CRISP2: variants seen among roughly 807,000 people sequenced by gnomAD.
CRISP2 encodes cysteine rich secretory protein 2.
In CRISP2, 29 loss-of-function variants were observed where a neutral mutation model predicts 31.7. The ratio of observed to expected loss-of-function variants is 0.92; its 90% confidence interval spans 0.68 to 1.25. The LOEUF (loss-of-function observed/expected upper bound fraction) is 1.25, where lower values mean the gene tolerates loss of function less well. Among genes scored for constraint, CRISP2 ranks in the 50% most tolerant of loss-of-function variants. The probability of loss-of-function intolerance (pLI) is 0.00; values close to 1 mark genes in which losing one functional copy is unlikely to be tolerated. For missense variants in CRISP2, 318 were observed against 286.5 expected (o/e 1.11, Z -0.79); for synonymous variants, 111 against 101.4 (o/e 1.09, Z -0.57).
At chr6:49,704,893 G>A (rs1266502367) in intron 4 of CRISP2, among the ~76,000 whole-genome samples, 1 of 152,210 alleles carries the variant, frequency 6.6e-6, no homozygotes, top group Non-Finnish European at 1.5e-5. Context: ...GTTACAGGCA[G>A]TGGAATTAAC....
chr6:49,694,723 T>A (rs1467074930), intron 9 of CRISP2, among the ~76,000 whole-genome samples: 3 of 146,692 alleles, frequency 2.0e-5, no homozygotes, highest in Non-Finnish European at 4.5e-5. Flanking sequence ...AATGTATAAG[T>A]ATTCAACTAT....
chr6:49,690,135 G>A (rs1178039942), downstream of CRISP2, among the ~76,000 whole-genome samples: 3 of 152,020 alleles, frequency 2.0e-5, no homozygotes, highest in Non-Finnish European at 4.4e-5. Context: ...TAGGTATCTT[G>A]TCTCCTATTT....
chr6:49,693,974 C>T (rs1005984099), intron 9 of CRISP2, among the ~76,000 whole-genome samples: 29 of 152,134 alleles, frequency 1.9e-4, no homozygotes, highest in Non-Finnish European at 2.5e-4. Context: ...GTCATATTTT[C>T]CTGAATGTTC....
At chr6:49,705,859 G>A (rs954730344) in intron 4 of CRISP2, among the ~76,000 whole-genome samples, 3 of 152,200 alleles carry the variant, frequency 2.0e-5, no homozygotes, top group Non-Finnish European at 2.9e-5. Context: ...CTTCCCTCAC[G>A]CTTTGGGCCC....
Position 49,698,387 on chromosome 6 carries a change from T to C in CRISP2, c.392A>G (p.Asn131Ser), listed in dbSNP as rs34457011. ...FVYGVGPKSPNAVVGHYTQLV... is the reference protein window; with the variant it reads ...FVYGVGPKSPSAVVGHYTQLV... The stretch of plus-strand genomic sequence containing the variant: ...CTGAGTATAATGTCCAACAACTGCA[T>C]TGGGACTCTTTGGTCCTACACCATA... The change falls in exon 7 of 10, where the codon AAT becomes AGT. Residue 131 changes from asparagine to serine, a missense_variant. Transcript: ENST00000339139. 2,113 of 1,613,316 alleles carry C rather than the reference T, an allele frequency of 1.3e-3. 19 individuals carry two copies. The African/African-American group carries it at 0.024, about 18-fold the overall frequency.
rs560874077 is a variant in CRISP2 at position 49,698,209 on chromosome 6, A to G, written c.417+153T>C. Reference sequence around the variant, plus strand: ...ACTAAGAGTTTGGCTGACCATGGACAAAAATGACAGCTCTACAACAGCCAA... The same window carrying G: ...ACTAAGAGTTTGGCTGACCATGGACGAAAATGACAGCTCTACAACAGCCAA... On this transcript the variant is annotated intron_variant, in intron 7 of 9. Transcript: ENST00000339139. 2.0e-5 allele frequency among the ~76,000 whole-genome samples: 3 copies of G among 152,282 alleles called. No individual in the cohort carries two copies. The East Asian group carries it at 5.8e-4, about 29-fold the overall frequency.
chr6:49,710,300 G>T (rs941387988), intron 3 of CRISP2, among the ~76,000 whole-genome samples: 1 of 152,138 alleles, frequency 6.6e-6, no homozygotes, highest in Non-Finnish European at 1.5e-5. Context: ...ACCTTACTGG[G>T]TATTACTATT....
At chr6:49,697,067 T>G (rs1182189083) in intron 8 of CRISP2, among the ~76,000 whole-genome samples, 1 of 152,158 alleles carries the variant, frequency 6.6e-6, no homozygotes, top group African/African-American at 2.4e-5. Context: ...GAATCGTACA[T>G]CATCTTCGCT....
chr6:49,701,269 C>G (rs1030794823), intron 4 of CRISP2, among the ~76,000 whole-genome samples: 3 of 151,832 alleles, frequency 2.0e-5, no homozygotes, highest in Non-Finnish European at 4.4e-5. Flanking sequence ...TTTTATCCCA[C>G]GCCACCCTCC....
downstream of CRISP2, among the ~76,000 whole-genome samples, chr6:49,690,782 C>G (rs948785075): frequency 4.0e-5 from 6 of 151,884 alleles, no homozygotes; most frequent in Non-Finnish European, 7.4e-5. Context: ...TATACAGTAT[C>G]TAAGAATTTA....
chr6:49,709,832 T>C (rs1767691357), intron 3 of CRISP2, among the ~76,000 whole-genome samples: 1 of 152,202 alleles, frequency 6.6e-6, no homozygotes, highest in Admixed American at 6.5e-5. Context: ...GCATTGAAGA[T>C]ATAGCTTATT....
chr6:49,684,495 A>G, the CRISP2 span, among the ~76,000 whole-genome samples: 1 of 152,212 alleles, frequency 6.6e-6, no homozygotes, highest in African/African-American at 2.4e-5. Flanking sequence ...GACCGACTAT[A>G]TAAGGAATTC....
intron 4 of CRISP2, among the ~76,000 whole-genome samples, chr6:49,702,202 C>T (rs1238779409): frequency 1.6e-5 from 2 of 126,496 alleles, no homozygotes; most frequent in Non-Finnish European, 3.2e-5. Flanking sequence ...TTTATCCACT[C>T]ATTGATTAAT....
At chr6:49,678,021 G>C in the CRISP2 span, among the ~76,000 whole-genome samples, 2 of 152,094 alleles carry the variant, frequency 1.3e-5, no homozygotes, top group Non-Finnish European at 2.9e-5. Context: ...CAGTGTTTCT[G>C]TCTCTCAGAG....
intron 3 of CRISP2, 84 bp from the exon 4 acceptor site, chr6:49,709,289 G>GATGATCTCC: frequency 8.7e-7 from 1 of 1,146,936 alleles, no homozygotes; most frequent in East Asian, 2.4e-5. Flanking sequence ...TAATGATCTC[G>GATGATCTCC]ATTATCTCAA....
chr6:49,711,886 T>C (rs1445850101), intron 2 of CRISP2, among the ~76,000 whole-genome samples: 1 of 152,188 alleles, frequency 6.6e-6, no homozygotes, highest in Non-Finnish European at 1.5e-5. Context: ...ACACCTCTAA[T>C]ACAATAAACA....
downstream of CRISP2, among the ~76,000 whole-genome samples, chr6:49,691,845 T>C (rs921846621): frequency 2.0e-5 from 3 of 152,084 alleles, no homozygotes; most frequent in Admixed American, 1.3e-4. Flanking sequence ...AGATAATCTG[T>C]TTAATTCTGT....
chr6:49,712,044 T>C (rs562621263), intron 2 of CRISP2, among the ~76,000 whole-genome samples: 1 of 152,368 alleles, frequency 6.6e-6, no homozygotes, highest in Non-Finnish European at 1.5e-5. Flanking sequence ...AAGAGACATG[T>C]GTTTCCTTCC....
intron 9 of CRISP2, 129 bp from the exon 10 acceptor site, chr6:49,693,029 C>G: frequency 1.2e-6 from 1 of 824,398 alleles, no homozygotes; most frequent in South Asian, 1.7e-5. Flanking sequence ...TACAATGGGT[C>G]TTTCATGTCT....
Sources: gnomAD v4.1 joint callset for allele counts (sites outside exome capture counted in the v4.1 genomes callset) on GRCh38, gnomAD v4.1.1 for gene constraint, MANE v1.5 for transcripts, NCBI Gene and HGNC (gene_info 2026-07-23, HGNC 2026-07-21) for gene names.